DNAH7: variants seen among roughly 807,000 people sequenced by gnomAD.
DNAH7 encodes the protein axonemal beta dynein heavy chain 7.
Under a neutral mutation model 444.6 loss-of-function variants are expected in DNAH7, and 397 were observed. The ratio of observed to expected loss-of-function variants is 0.89; its 90% CI spans 0.82 to 0.97. The LOEUF is 0.97. Ranked by LOEUF, DNAH7 falls within the 50% of genes least tolerant of loss-of-function variation. DNAH7 has a pLI of 0.00. For synonymous variants in DNAH7, 1,636 were observed against 1,624.4 expected (o/e 1.01, Z -0.17); for missense variants, 4,902 against 4,800.8 (o/e 1.02, Z -0.62).
At chr2:195,922,745 C>A (rs934548592) in intron 23 of DNAH7, among the ~76,000 whole-genome samples, 1 of 152,188 alleles carries the variant, frequency 6.6e-6, no homozygotes, top group African/African-American at 2.4e-5. Flanking sequence ...CCCTATCTTG[C>A]CCACTTTACT....
intron 15 of DNAH7, among the ~76,000 whole-genome samples, chr2:195,974,755 T>TACACAC (rs58054572): frequency 0.059 from 8,436 of 143,526 alleles, 304 homozygotes; most frequent in African/African-American, 0.11. Context: ...ATGTATATTT[T>TACACAC]ACACACACAC....
At chr2:195,757,274 G>A (rs1342688528) in intron 61 of DNAH7, among the ~76,000 whole-genome samples, 1 of 152,186 alleles carries the variant, frequency 6.6e-6, no homozygotes, top group African/African-American at 2.4e-5. Flanking sequence ...AAAGGATGGT[G>A]ATAAATATAA....
At chr2:196,048,253 A>C in intron 4 of DNAH7, 43 bp downstream of exon 4, 1 of 1,510,384 alleles carries the variant, frequency 6.6e-7, no homozygotes. Flanking sequence ...GTCTCTCTCT[A>C]CAAATTATCC....
intron 31 of DNAH7, among the ~76,000 whole-genome samples, chr2:195,889,533 G>T (rs1701900195): frequency 6.6e-6 from 1 of 151,928 alleles, no homozygotes; most frequent in Non-Finnish European, 1.5e-5. Flanking sequence ...GCCCAGGCTG[G>T]TCTTGAACTC....
chr2:195,991,079 A>G (rs1693307826), intron 12 of DNAH7, among the ~76,000 whole-genome samples: 1 of 151,008 alleles, frequency 6.6e-6, no homozygotes, highest in Non-Finnish European at 1.5e-5. Flanking sequence ...CAGCTAGGGA[A>G]CAGGTCACCC....
chr2:195,790,158 C>T (rs140705615), intron 57 of DNAH7, among the ~76,000 whole-genome samples: 244 of 152,112 alleles, frequency 1.6e-3, no homozygotes, highest in African/African-American at 5.4e-3. Flanking sequence ...CACAAAACAC[C>T]GCTGAAAGAA....
chr2:195,808,423 A>C (rs1696806674), intron 53 of DNAH7, among the ~76,000 whole-genome samples: 1 of 152,206 alleles, frequency 6.6e-6, no homozygotes, highest in Non-Finnish European at 1.5e-5. Flanking sequence ...ATAATGAATA[A>C]AAATCTGGCA....
intron 24 of DNAH7, among the ~76,000 whole-genome samples, chr2:195,915,830 TCA>T (rs1218475126): frequency 5.6e-4 from 85 of 152,280 alleles, no homozygotes; most frequent in Non-Finnish European, 2.9e-5. Context: ...CAGGAAATAA[TCA>T]GTCATCTTCA....
intron 22 of DNAH7, among the ~76,000 whole-genome samples, chr2:195,925,491 C>G (rs949214095): frequency 6.6e-6 from 1 of 152,206 alleles, no homozygotes; most frequent in Admixed American, 6.5e-5. Context: ...TAGGGATACT[C>G]TTATGCCCCA....
Position 195,886,286 on chromosome 2 carries a change from A to G in DNAH7, c.5407-14T>C. ...AGGAGATAATTCCTGAAAAGTCAGT[A>G]AGAAAAATGACTAAACAATTTAAAT... is the stretch of plus-strand genomic sequence containing the variant. On this transcript the variant is annotated splice_polypyrimidine_tract_variant and intron_variant, in intron 33 of 64. Transcript: ENST00000312428. 6.2e-7 allele frequency: 1 copy of G among 1,606,924 alleles called. No homozygotes were observed. The highest frequency in any genetic ancestry group is 8.5e-7 in the Non-Finnish European group (1 of 1,177,138).
chr2:195,840,075 T>C (rs1698594465), intron 47 of DNAH7, among the ~76,000 whole-genome samples: 2 of 151,738 alleles, frequency 1.3e-5, no homozygotes, highest in Admixed American at 1.3e-4. Flanking sequence ...CACAGATCAA[T>C]ATTCCTCATG....
chr2:196,064,827 T>C (rs1698333640), intron 1 of DNAH7, among the ~76,000 whole-genome samples: 1 of 152,220 alleles, frequency 6.6e-6, no homozygotes, highest in Non-Finnish European at 1.5e-5. Context: ...TTCCATTCTC[T>C]AGCGAATGAA....
chr2:196,030,793 T>C (rs1696003500), intron 5 of DNAH7, among the ~76,000 whole-genome samples: 1 of 152,234 alleles, frequency 6.6e-6, no homozygotes, highest in African/African-American at 2.4e-5. Flanking sequence ...AAGAGGTGGG[T>C]TCCCATGGTC....
intron 47 of DNAH7, among the ~76,000 whole-genome samples, chr2:195,836,529 A>G (rs1698382438): frequency 6.6e-6 from 1 of 151,880 alleles, no homozygotes. Context: ...CTATCTCCAA[A>G]TACGGTCACA....
intron 58 of DNAH7, among the ~76,000 whole-genome samples, chr2:195,782,895 G>T (rs1356868106): frequency 6.6e-6 from 1 of 151,888 alleles, no homozygotes; most frequent in Non-Finnish European, 1.5e-5. Flanking sequence ...ACAGCACAAG[G>T]CCCCCCCTTT....
intron 49 of DNAH7, among the ~76,000 whole-genome samples, chr2:195,823,317 A>G (rs910921227): frequency 6.6e-6 from 1 of 152,130 alleles, no homozygotes; most frequent in Non-Finnish European, 1.5e-5. Context: ...CTCAACTCTG[A>G]GCTCCCAGGA....
At chr2:195,768,470 A>T (rs1018525863) in intron 61 of DNAH7, among the ~76,000 whole-genome samples, 1 of 151,902 alleles carries the variant, frequency 6.6e-6, no homozygotes, top group African/African-American at 2.4e-5. Context: ...ACTGGATAAT[A>T]TTTAGATTAA....
chr2:195,853,307 C>G (rs1699497035), intron 46 of DNAH7, 36 bp downstream of exon 46: 1 of 1,572,858 alleles, frequency 6.4e-7, no homozygotes, highest in South Asian at 1.2e-5. Flanking sequence ...CTGTGATGGG[C>G]AGAGGGTCAG....
At chr2:195,965,869 G>C (rs2125551224) in intron 17 of DNAH7, among the ~76,000 whole-genome samples, 1 of 151,956 alleles carries the variant, frequency 6.6e-6, no homozygotes, top group South Asian at 2.1e-4. Context: ...TTCTTGGGTA[G>C]TCTAGTTAAA....
Sources: allele counts gnomAD v4.1 joint callset (sites outside exome capture counted in the v4.1 genomes callset), GRCh38; gene constraint gnomAD v4.1.1; transcripts MANE v1.5; gene names NCBI Gene and HGNC (gene_info 2026-07-23, HGNC 2026-07-21).